VWC2L: variants seen among roughly 807,000 people sequenced by gnomAD.
VWC2L encodes the protein von Willebrand factor C domain-containing protein 2-like.
In VWC2L, 10 loss-of-function variants were observed where a neutral mutation model predicts 21.6. That is an observed-to-expected ratio of 0.46 (90% CI 0.29 to 0.78). VWC2L has a LOEUF of 0.78. VWC2L is among the 30% of genes least tolerant of loss of function. The pLI is 0.10. For missense variants in VWC2L, 209 were observed against 277.1 expected (o/e 0.75, Z 1.74); for synonymous variants, 96 against 94.3 (o/e 1.02, Z -0.10).
intron 2 of VWC2L, among the ~76,000 whole-genome samples, chr2:214,419,999 C>T (rs775177289): frequency 2.6e-5 from 4 of 152,064 alleles, no homozygotes; most frequent in African/African-American, 4.8e-5. Context: ...GTGGAGGCTG[C>T]AGTGAGCAGA....
At chr2:214,497,386 T>C (rs1459265103) in intron 3 of VWC2L, among the ~76,000 whole-genome samples, 1 of 152,202 alleles carries the variant, frequency 6.6e-6, no homozygotes, top group African/African-American at 2.4e-5. Flanking sequence ...ATATTCAAAC[T>C]ATCCTCTCTT....
At chr2:214,483,863 A>C (rs1003165339) in intron 3 of VWC2L, among the ~76,000 whole-genome samples, 35 of 152,166 alleles carry the variant, frequency 2.3e-4, no homozygotes, top group African/African-American at 8.4e-4. Flanking sequence ...GGGCTGCCAT[A>C]TCAAGGTACC....
chr2:214,541,095 C>A (rs538711512), intron 3 of VWC2L, among the ~76,000 whole-genome samples: 1 of 152,142 alleles, frequency 6.6e-6, no homozygotes, highest in African/African-American at 2.4e-5. Flanking sequence ...TTTGCTTATA[C>A]CAACTCCAGA....
chr2:214,565,130 A>G (rs993096974), intron 3 of VWC2L, among the ~76,000 whole-genome samples: 3 of 152,218 alleles, frequency 2.0e-5, no homozygotes, highest in African/African-American at 4.8e-5. Flanking sequence ...TAGTGACTGC[A>G]GAAGAGTCCA....
At chr2:214,456,660 C>T (rs564895078) in intron 3 of VWC2L, among the ~76,000 whole-genome samples, 19 of 152,210 alleles carry the variant, frequency 1.2e-4, no homozygotes, top group African/African-American at 4.3e-4. Flanking sequence ...CCTAGACCAA[C>T]ATCCTGGAGC....
chr2:214,493,786 G>T (rs1226981618), intron 3 of VWC2L, among the ~76,000 whole-genome samples: 2 of 152,138 alleles, frequency 1.3e-5, no homozygotes, highest in Non-Finnish European at 2.9e-5. Flanking sequence ...CCAGACCCCA[G>T]GGACTGAATA....
intron 3 of VWC2L, among the ~76,000 whole-genome samples, chr2:214,454,584 CATTG>C (rs1372868461): frequency 2.3e-5 from 3 of 129,270 alleles, no homozygotes; most frequent in African/African-American, 8.7e-5. Context: ...TACTGAATTA[CATTG>C]ATTGATTTTC....
intron 3 of VWC2L, among the ~76,000 whole-genome samples, chr2:214,438,482 T>C (rs79854582): frequency 0.016 from 2,397 of 152,178 alleles, 67 homozygotes; most frequent in African/African-American, 0.055. Flanking sequence ...AGCTTTGTCT[T>C]ACTTTTAGCT....
chr2:214,455,306 A>T (rs887324894), intron 3 of VWC2L, among the ~76,000 whole-genome samples: 2 of 152,216 alleles, frequency 1.3e-5, no homozygotes, highest in African/African-American at 4.8e-5. Context: ...TTAAAGAATT[A>T]TACCATTTTA....
chr2:214,452,256 G>A (rs1188415565), intron 3 of VWC2L, among the ~76,000 whole-genome samples: 2 of 152,082 alleles, frequency 1.3e-5, no homozygotes, highest in African/African-American at 4.8e-5. Flanking sequence ...CCTGGGCTCA[G>A]ATGATCCTCC....
rs143805526 is a variant in VWC2L at position 214,475,728 on chromosome 2, A to G, written c.520+38970A>G. Reference sequence around the variant, plus strand: ...TCTGATTTTTAAGTGAAATCTCCCTATTTTTAAATGTTGGCTCAAAAAAAA... The same window carrying G: ...TCTGATTTTTAAGTGAAATCTCCCTGTTTTTAAATGTTGGCTCAAAAAAAA... On this transcript the variant is annotated intron_variant, in intron 3 of 3. Transcript: ENST00000312504. Among the ~76,000 whole-genome samples the G allele has an allele frequency of 2.4e-3, 359 of 148,152 alleles. 1 individual carries two copies. Among genetic ancestry groups the G allele is most frequent in the African/African-American group, 7.2e-3 (281 of 38,920 alleles).
chr2:214,491,278 G>A (rs1370788048), intron 3 of VWC2L, among the ~76,000 whole-genome samples: 1 of 152,178 alleles, frequency 6.6e-6, no homozygotes, highest in African/African-American at 2.4e-5. Flanking sequence ...GATGTTTTCT[G>A]TGTAAAAGGA....
intron 3 of VWC2L, among the ~76,000 whole-genome samples, chr2:214,562,461 CATGT>C (rs1457949746): frequency 6.6e-6 from 1 of 152,192 alleles, no homozygotes; most frequent in Non-Finnish European, 1.5e-5. Flanking sequence ...CATACGCATG[CATGT>C]ATCTTTGTAA....
chr2:214,531,931 C>T (rs1199964457), intron 3 of VWC2L, among the ~76,000 whole-genome samples: 1 of 152,052 alleles, frequency 6.6e-6, no homozygotes, highest in African/African-American at 2.4e-5. Flanking sequence ...CTGTAATCTA[C>T]AGTGTTTCAA....
chr2:214,506,831 A>G (rs1318698443), intron 3 of VWC2L, among the ~76,000 whole-genome samples: 2 of 152,144 alleles, frequency 1.3e-5, no homozygotes, highest in African/African-American at 4.8e-5. Context: ...TTGTGATACA[A>G]TGTTTTGTGA....
intron 3 of VWC2L, among the ~76,000 whole-genome samples, chr2:214,548,674 C>T (rs1689747055): frequency 6.6e-6 from 1 of 152,154 alleles, no homozygotes; most frequent in Admixed American, 6.5e-5. Flanking sequence ...GTGATAATAG[C>T]TTGCTTTTGG....
chr2:214,431,329 AG>A (rs1373623193), intron 2 of VWC2L, among the ~76,000 whole-genome samples: 2 of 152,180 alleles, frequency 1.3e-5, no homozygotes, highest in African/African-American at 2.4e-5. Context: ...TGCTTCTAAA[AG>A]CTGTATTTTT....
At chr2:214,502,862 A>C (rs1296133036) in intron 3 of VWC2L, among the ~76,000 whole-genome samples, 1 of 152,162 alleles carries the variant, frequency 6.6e-6, no homozygotes, top group Non-Finnish European at 1.5e-5. Flanking sequence ...GCTTCCAGTA[A>C]AAAGCTTCCC....
chr2:214,467,951 G>C (rs961263525), intron 3 of VWC2L, among the ~76,000 whole-genome samples: 4 of 152,118 alleles, frequency 2.6e-5, no homozygotes, highest in Non-Finnish European at 4.4e-5. Flanking sequence ...TTAGAGACCA[G>C]CCTGGGCAAC....
Sources: gnomAD v4.1 joint callset for allele counts (sites outside exome capture counted in the v4.1 genomes callset) on GRCh38, gnomAD v4.1.1 for gene constraint, MANE v1.5 for transcripts, NCBI Gene and HGNC (gene_info 2026-07-23, HGNC 2026-07-21) for gene names.